Variants in SLMAP observed in about 807,000 individuals in gnomAD.
SLMAP encodes the protein sarcolemmal membrane-associated protein.
A neutral mutation model predicts 128.8 loss-of-function variants in SLMAP; 44 were observed. That is an observed-to-expected ratio of 0.34 (90% CI 0.27 to 0.44). The LOEUF (loss-of-function observed/expected upper bound fraction) is 0.44. Ranked by LOEUF, SLMAP falls within the 20% of genes least tolerant of loss-of-function variation. SLMAP has a pLI of 1.00. For missense variants in SLMAP, 787 were observed against 985.3 expected (o/e 0.80, Z 2.69); for synonymous variants, 327 against 348.8 (o/e 0.94, Z 0.70).
chr3:57,892,607 G>A (rs908191724), intron 15 of SLMAP, among the ~76,000 whole-genome samples: 8 of 151,996 alleles, frequency 5.3e-5, no homozygotes, highest in African/African-American at 1.4e-4. Flanking sequence ...TGTAACTATA[G>A]TATCAGGACA....
chr3:57,917,309 A>T lies in SLMAP; in HGVS notation c.2310+232A>T, dbSNP rs1002879. ...ATATAATATACAAAACTACATTTTA[A>T]TTTTTCTCTACCAGTTACTTATATG... On this transcript the variant is annotated intron_variant, in intron 22 of 24. Transcript: ENST00000671191. 13,306 of 1,073,288 alleles carry T rather than the reference A, an allele frequency of 0.012. 99 individuals are homozygous for T. Among genetic ancestry groups the T allele is most frequent in the Middle Eastern group, 0.015 (44 of 3,004 alleles). The allele number at this position is 1,073,288 out of a possible 1,614,324, so 66.5% of individuals were successfully genotyped here.
At chr3:57,835,809 T>C (rs936369599) in intron 3 of SLMAP, among the ~76,000 whole-genome samples, 1 of 152,174 alleles carries the variant, frequency 6.6e-6, no homozygotes, top group African/African-American at 2.4e-5. Flanking sequence ...AATCTCAAAC[T>C]TTATCTCAAG....
chr3:57,852,141 G>A (rs994328284), intron 6 of SLMAP, among the ~76,000 whole-genome samples: 1 of 150,344 alleles, frequency 6.7e-6, no homozygotes, highest in Non-Finnish European at 1.5e-5. Context: ...CCAATCTCCT[G>A]ACCTCGTTAT....
chr3:57,843,462 C>T (rs1387826947), intron 4 of SLMAP, among the ~76,000 whole-genome samples: 2 of 151,588 alleles, frequency 1.3e-5, no homozygotes, highest in Admixed American at 6.6e-5. Context: ...CACACCACCA[C>T]GCCCAGCTAA....
At chr3:57,795,162 A>G (rs116167423) in intron 2 of SLMAP, among the ~76,000 whole-genome samples, 138 of 152,362 alleles carry the variant, frequency 9.1e-4, no homozygotes, top group African/African-American at 3.0e-3. Flanking sequence ...CTGATAATCT[A>G]ATGACTAATA....
At chr3:57,915,070 G>A (rs1379810048) in intron 21 of SLMAP, among the ~76,000 whole-genome samples, 2 of 151,850 alleles carry the variant, frequency 1.3e-5, no homozygotes, top group Non-Finnish European at 2.9e-5. Flanking sequence ...ATTTCTAGTA[G>A]AGAGGGGGTT....
At chr3:57,803,324 T>C (rs566609500) in intron 2 of SLMAP, among the ~76,000 whole-genome samples, 2 of 152,296 alleles carry the variant, frequency 1.3e-5, no homozygotes, top group East Asian at 1.9e-4. Flanking sequence ...GATGAATGCA[T>C]GTACTCTAGT....
intron 6 of SLMAP, among the ~76,000 whole-genome samples, chr3:57,855,908 G>T (rs891846834): frequency 4.0e-5 from 6 of 151,890 alleles, no homozygotes; most frequent in African/African-American, 1.5e-4. Context: ...GCCAGGCGTG[G>T]TGGTGCTGCA....
intron 24 of SLMAP, 39 bp from the exon 25 acceptor site, chr3:57,927,257 G>A: frequency 2.2e-6 from 3 of 1,351,408 alleles, no homozygotes; most frequent in Non-Finnish European, 3.2e-6. Context: ...AAAAGAGAGG[G>A]GAGAATGTGA....
chr3:57,830,437 G>A (rs1256741649), intron 2 of SLMAP, among the ~76,000 whole-genome samples: 3 of 152,184 alleles, frequency 2.0e-5, no homozygotes, highest in Non-Finnish European at 4.4e-5. Context: ...GCGAAAATGT[G>A]TTACTAAAAT....
chr3:57,829,356 T>C (rs2093173084), intron 2 of SLMAP, among the ~76,000 whole-genome samples: 1 of 152,120 alleles, frequency 6.6e-6, no homozygotes, highest in East Asian at 1.9e-4. Context: ...GAACTTGAAG[T>C]TTGAAAACCA....
chr3:57,862,319 A>G (rs1416420152), intron 10 of SLMAP, among the ~76,000 whole-genome samples: 2 of 151,170 alleles, frequency 1.3e-5, no homozygotes, highest in Non-Finnish European at 1.5e-5. Context: ...CTCCATCTCA[A>G]AGGAAAAACA....
chr3:57,910,245 G>A (rs1446959171), intron 19 of SLMAP, among the ~76,000 whole-genome samples: 2 of 152,080 alleles, frequency 1.3e-5, no homozygotes, highest in African/African-American at 2.4e-5. Flanking sequence ...AGGCTGGAGT[G>A]CAGTGGTGAT....
intron 14 of SLMAP, among the ~76,000 whole-genome samples, chr3:57,885,376 T>TTTG (rs139173960): frequency 1.3e-5 from 2 of 149,974 alleles, no homozygotes; most frequent in Non-Finnish European, 1.5e-5. Flanking sequence ...AGCCAGCTTG[T>TTTG]TTGTTGTTGT....
intron 2 of SLMAP, among the ~76,000 whole-genome samples, chr3:57,815,701 G>A (rs1316184707): frequency 1.3e-5 from 2 of 151,732 alleles, no homozygotes; most frequent in African/African-American, 4.8e-5. Flanking sequence ...TGAACTCCTG[G>A]ACTCAGACAG....
chr3:57,906,318 T>TC (rs1559513131), intron 17 of SLMAP, among the ~76,000 whole-genome samples: 15 of 120,178 alleles, frequency 1.2e-4, no homozygotes, highest in African/African-American at 4.6e-4. Flanking sequence ...TTCTTTTTTT[T>TC]TTTTTTTTTT....
At chr3:57,838,530 C>T (rs2153559540) in intron 3 of SLMAP, among the ~76,000 whole-genome samples, 1 of 152,296 alleles carries the variant, frequency 6.6e-6, no homozygotes, top group Non-Finnish European at 1.5e-5. Flanking sequence ...GCAGATAATC[C>T]TTGATGCCCT....
intron 17 of SLMAP, among the ~76,000 whole-genome samples, chr3:57,906,313 T>TTTTTTC (rs1553637778): frequency 5.1e-5 from 6 of 117,506 alleles, no homozygotes; most frequent in African/African-American, 1.9e-4. Context: ...TTTTTTTCTT[T>TTTTTTC]TTTTTTTTTT....
chr3:57,883,729 G>A (rs774740269), intron 14 of SLMAP, among the ~76,000 whole-genome samples: 1 of 152,070 alleles, frequency 6.6e-6, no homozygotes, highest in Non-Finnish European at 1.5e-5. Context: ...TGAGTAGTAA[G>A]AGATATGGGT....
Sources: gnomAD v4.1 joint callset for allele counts (sites outside exome capture counted in the v4.1 genomes callset) on GRCh38, gnomAD v4.1.1 for gene constraint, MANE v1.5 for transcripts, NCBI Gene and HGNC (gene_info 2026-07-23, HGNC 2026-07-21) for gene names.